The following BORA variants were observed in gnomAD, a reference collection of about 807,000 sequenced individuals.
BORA encodes protein aurora borealis.
BORA carries 26 observed loss-of-function variants against 55.8 expected under a neutral mutation model. The observed-to-expected ratio is 0.47, with a 90% CI of 0.34 to 0.65. BORA has a LOEUF of 0.65. BORA is among the 30% of genes least tolerant of loss of function. The probability of loss-of-function intolerance (pLI) is 0.01; values close to 1 mark genes in which losing one functional copy is unlikely to be tolerated. For synonymous variants in BORA, 201 were observed against 216.9 expected (o/e 0.93, Z 0.64); for missense variants, 568 against 671.5 (o/e 0.85, Z 1.70).
intron 1 of BORA, 200 bp downstream of exon 1, chr13:72,728,207 C>T (rs932880118): frequency 6.6e-6 from 5 of 760,470 alleles, no homozygotes; most frequent in African/African-American, 1.7e-5. Flanking sequence ...CCAGGGAAGC[C>T]GGCTGCATCT....
At chr13:72,751,959 G>A (rs941278843) in intron 10 of BORA, among the ~76,000 whole-genome samples, 15 of 152,196 alleles carry the variant, frequency 9.9e-5, no homozygotes, top group Non-Finnish European at 2.2e-4. Context: ...AATGATGAGG[G>A]AAGGGCTAAA....
At chr13:72,753,874 A>G in intron 11 of BORA, 53 bp downstream of exon 11, 1 of 1,483,924 alleles carries the variant, frequency 6.7e-7, no homozygotes. Context: ...GAAATATAAA[A>G]TAATTTTGAT....
At position 72,731,313 on chromosome 13, in the gene BORA, A is replaced by G. The variant is rs2032810226; in HGVS notation, c.186A>G (p.Gln62=). 1 of 1,612,372 alleles carries G rather than the reference A, an allele frequency of 6.2e-7. No individual in the cohort carries two copies. The highest frequency in any genetic ancestry group is 1.1e-5 in the South Asian group (1 of 90,838). The change falls in exon 3 of 12, where the codon CAA becomes CAG. Residue 62 remains glutamine, a synonymous_variant. Coordinates refer to ENST00000390667, the MANE Select transcript of BORA (RefSeq NM_024808.5). ...GGAAATTTAGATGGTCTATTGATCA[A>G]CTAGCTGTAATAAATCCTGTAGAAA... ...TPGKFRWSID[Q]LAVINPVEID...
intron 9 of BORA, 90 bp downstream of exon 9, chr13:72,746,166 A>G (rs2033136279): frequency 1.7e-6 from 2 of 1,207,126 alleles, no homozygotes; most frequent in South Asian, 1.5e-5. Context: ...TTAATGATAG[A>G]GCTCAAAATG....
intron 5 of BORA, among the ~76,000 whole-genome samples, chr13:72,739,672 T>C (rs1412186100): frequency 1.3e-5 from 2 of 152,308 alleles, no homozygotes; most frequent in East Asian, 1.9e-4. Context: ...TCCTTAGCTA[T>C]GGTGAAAACC....
intron 10 of BORA, among the ~76,000 whole-genome samples, chr13:72,749,372 C>T (rs1190361272): frequency 6.6e-6 from 1 of 152,198 alleles, no homozygotes; most frequent in African/African-American, 2.4e-5. Flanking sequence ...ATACTCTTCA[C>T]TCAGAATGCC....
intron 3 of BORA, among the ~76,000 whole-genome samples, chr13:72,732,815 A>G (rs2138043648): frequency 6.6e-6 from 1 of 152,276 alleles, no homozygotes; most frequent in African/African-American, 2.4e-5. Context: ...ATTTTGTCTC[A>G]TTTCTTCAAT....
At chr13:72,736,100 A>C (rs531954422) in intron 4 of BORA, among the ~76,000 whole-genome samples, 2 of 151,584 alleles carry the variant, frequency 1.3e-5, no homozygotes, top group African/African-American at 4.8e-5. Context: ...TTCTTCTTCT[A>C]TCTAGTAACT....
At chr13:72,731,978 T>C (rs1429851242) in intron 3 of BORA, among the ~76,000 whole-genome samples, 5 of 152,226 alleles carry the variant, frequency 3.3e-5, no homozygotes. Context: ...TTCAAGGCAC[T>C]AATGTACTGC....
Position 72,755,542 on chromosome 13 carries a change from C to T in BORA, c.*326C>T. 1 of 346,308 alleles carries T rather than the reference C, an allele frequency of 2.9e-6. No homozygotes were observed. Among genetic ancestry groups the T allele is most frequent in the Non-Finnish European group, 5.1e-6 (1 of 194,520 alleles). 21.5% of individuals were successfully genotyped at this position (346,308 alleles called of 1,614,324 possible). A position where few individuals can be genotyped will look rare whatever the true frequency, so the allele number is the denominator to read the frequency against. On this transcript the variant is annotated 3_prime_UTR_variant, in exon 12 of 12. Coordinates refer to ENST00000390667, the MANE Select transcript of BORA (RefSeq NM_024808.5). ...ACTACTTATTAAGCCTTACTGGTAGCACTGAATTTAGCAGTTCTGAGAACA... is the reference window on the plus strand; with the variant it reads ...ACTACTTATTAAGCCTTACTGGTAGTACTGAATTTAGCAGTTCTGAGAACA...
intron 2 of BORA, 101 bp downstream of exon 2, chr13:72,729,194 A>C: frequency 9.8e-7 from 1 of 1,018,810 alleles, no homozygotes; most frequent in Non-Finnish European, 1.4e-6. Context: ...AGGAGGAAAT[A>C]CATTATGGAG....
intron 1 of BORA, chr13:72,728,337 C>A: frequency 1.6e-6 from 1 of 606,800 alleles, no homozygotes; most frequent in South Asian, 1.9e-5. Flanking sequence ...GAGGGGAGGT[C>A]TTGGCGAAAG....
Position 72,747,025 on chromosome 13 carries a change from A to G in BORA, c.1396A>G (p.Ile466Val). ...SLPMTDFVSG[I>V]AFSIENSHMC... The stretch of plus-strand genomic sequence containing the variant: ...ACCCATGACTGATTTTGTAAGTGGC[A>G]TTGCCTTCAGTATTGAAAACTCTCA... Residue 466 changes from isoleucine to valine, a missense_variant, in exon 10 of 12, where the codon ATT becomes GTT. Transcript: ENST00000390667. 4 of 1,614,122 alleles carry G rather than the reference A, an allele frequency of 2.5e-6. No homozygotes were observed. The highest frequency in any genetic ancestry group is 1.7e-6 in the Non-Finnish European group (2 of 1,179,984).
chr13:72,754,291 C>T (rs1358244607), intron 11 of BORA: 6 of 156,652 alleles, frequency 3.8e-5, no homozygotes, highest in African/African-American at 9.7e-5. Context: ...CATGCCCAGC[C>T]TTGTATGCCG....
chr13:72,753,228 C>G (rs969387534), intron 10 of BORA: 2 of 152,464 alleles, frequency 1.3e-5, no homozygotes, highest in African/African-American at 2.4e-5. Flanking sequence ...ACATGAAAAG[C>G]TGAACTAACA....
In BORA at chr13:72,755,241, T is replaced by G; in HGVS notation, c.*25T>G. ...GAATGCCTCTGTCAGAATCAAAGACTAAGCTTAAGAGTTCCTCGCATATAT... is the reference window on the plus strand; with the variant it reads ...GAATGCCTCTGTCAGAATCAAAGACGAAGCTTAAGAGTTCCTCGCATATAT... On this transcript the variant is annotated 3_prime_UTR_variant, in exon 12 of 12. Coordinates refer to ENST00000390667, the MANE Select transcript of BORA (RefSeq NM_024808.5). 6.3e-7 allele frequency: 1 copy of G among 1,583,772 alleles called. No individual in the cohort carries two copies. The highest frequency in any genetic ancestry group is 8.7e-7 in the Non-Finnish European group (1 of 1,153,430).
intron 10 of BORA, among the ~76,000 whole-genome samples, chr13:72,750,361 T>G (rs1026612656): frequency 6.6e-6 from 1 of 152,100 alleles, no homozygotes; most frequent in African/African-American, 2.4e-5. Flanking sequence ...GAAGAAGTAA[T>G]GAAATAACGT....
chr13:72,734,093 G>A (rs1441226017), intron 3 of BORA, among the ~76,000 whole-genome samples: 1 of 152,122 alleles, frequency 6.6e-6, no homozygotes, highest in Non-Finnish European at 1.5e-5. Flanking sequence ...ATAACTGATG[G>A]ATTCTAGACT....
intron 4 of BORA, 132 bp from the exon 5 acceptor site, chr13:72,737,830 T>C (rs1447227672): frequency 6.3e-6 from 2 of 314,966 alleles, no homozygotes; most frequent in East Asian, 5.7e-5. Context: ...CTTTGGTCAT[T>C]TGTATTAAAA....
Sources: allele counts gnomAD v4.1 joint callset (sites outside exome capture counted in the v4.1 genomes callset), GRCh38; gene constraint gnomAD v4.1.1; transcripts MANE v1.5; gene names NCBI Gene and HGNC (gene_info 2026-07-23, HGNC 2026-07-21).